Variants in COX7B2 observed in about 807,000 individuals in gnomAD.
COX7B2 encodes the protein cytochrome c oxidase subunit 7B2, mitochondrial.
For missense variants in COX7B2, 109 were observed against 95.9 expected, an observed-to-expected ratio of 1.14 and a Z score of -0.57; for synonymous variants, 37 against 32.1, an observed-to-expected ratio of 1.15 and a Z score of -0.51.
intron 1 of COX7B2, among the ~76,000 whole-genome samples, chr4:46,886,306 TA>T (rs1241161104): frequency 6.6e-6 from 1 of 152,218 alleles, no homozygotes; most frequent in Non-Finnish European, 1.5e-5. Context: ...GTACATGTGA[TA>T]TTTTCATACA....
intron 1 of COX7B2, among the ~76,000 whole-genome samples, chr4:46,892,188 G>C (rs539473525): frequency 1.3e-5 from 2 of 152,056 alleles, no homozygotes. Flanking sequence ...ATTAACTACC[G>C]GGGCCACTGG....
intron 2 of COX7B2, among the ~76,000 whole-genome samples, chr4:46,819,734 A>G (rs1239991279): frequency 2.6e-5 from 4 of 152,194 alleles, no homozygotes; most frequent in Non-Finnish European, 5.9e-5. Flanking sequence ...ACTTATTACA[A>G]TGTATCAGCT....
At chr4:46,846,325 A>T (rs1394709121) in intron 1 of COX7B2, among the ~76,000 whole-genome samples, 3 of 152,052 alleles carry the variant, frequency 2.0e-5, no homozygotes, top group Non-Finnish European at 4.4e-5. Context: ...GGAAACAGGG[A>T]CCATAAACAA....
intron 2 of COX7B2, among the ~76,000 whole-genome samples, chr4:46,807,910 G>C (rs576082163): frequency 7.9e-5 from 12 of 151,928 alleles, no homozygotes; most frequent in East Asian, 3.9e-4. Flanking sequence ...GTACCATGCT[G>C]TTTTGATTGT....
rs186256408 is a variant in COX7B2 at position 46,799,120 on chromosome 4, G to C, written c.-50+45840C>G. 8.3e-4 allele frequency among the ~76,000 whole-genome samples: 126 copies of C among 152,146 alleles called. 1 individual carries two copies. The highest frequency in any genetic ancestry group is 3.4e-3 in the Middle Eastern group (1 of 294). The stretch of plus-strand genomic sequence containing the variant: ...GAAGGTTTTCTCTTTCTTGTGTGTG[G>C]CTATTGTGAATGAGATTGCATTCTT... On this transcript the variant is annotated intron_variant, in intron 2 of 2. Transcript: ENST00000355591.
chr4:46,880,933 T>G (rs1342208108), intron 1 of COX7B2, among the ~76,000 whole-genome samples: 2 of 144,414 alleles, frequency 1.4e-5, no homozygotes, highest in Non-Finnish European at 3.0e-5. Context: ...GCATGGCACA[T>G]GTATACATAT....
intron 1 of COX7B2, among the ~76,000 whole-genome samples, chr4:46,872,631 A>G (rs1718063443): frequency 6.6e-6 from 1 of 152,162 alleles, no homozygotes; most frequent in Non-Finnish European, 1.5e-5. Flanking sequence ...CTCACAAATT[A>G]TGTCAATAGA....
intron 2 of COX7B2, among the ~76,000 whole-genome samples, chr4:46,843,346 T>C (rs918478718): frequency 3.3e-5 from 5 of 152,182 alleles, no homozygotes; most frequent in Middle Eastern, 6.8e-3. Context: ...CACATATTAA[T>C]GTAAAGAATG....
At chr4:46,788,866 A>G (rs73139385) in intron 2 of COX7B2, among the ~76,000 whole-genome samples, 5,100 of 152,242 alleles carry the variant, frequency 0.033, 217 homozygotes, top group African/African-American at 0.1. Flanking sequence ...CAGTGAATGA[A>G]ATGATTCATA....
At chr4:46,789,427 A>G (rs1717921090) in intron 2 of COX7B2, among the ~76,000 whole-genome samples, 1 of 152,200 alleles carries the variant, frequency 6.6e-6, no homozygotes, top group African/African-American at 2.4e-5. Context: ...AATCTTGTCT[A>G]GGAATATTAA....
At chr4:46,849,036 G>A (rs1716485128) in intron 1 of COX7B2, among the ~76,000 whole-genome samples, 1 of 152,014 alleles carries the variant, frequency 6.6e-6, no homozygotes, top group Admixed American at 6.6e-5. Flanking sequence ...AAGAAAAAAA[G>A]TCTGTACATG....
intron 2 of COX7B2, among the ~76,000 whole-genome samples, chr4:46,807,867 G>C (rs1486467199): frequency 1.3e-5 from 2 of 151,736 alleles, no homozygotes; most frequent in African/African-American, 4.8e-5. Context: ...TCTCTATTCT[G>C]TTCCACTGGT....
intron 1 of COX7B2, among the ~76,000 whole-genome samples, chr4:46,887,760 A>G (rs1719168535): frequency 6.6e-6 from 1 of 151,706 alleles, no homozygotes; most frequent in South Asian, 2.1e-4. Flanking sequence ...AGACAAGACA[A>G]TCAAGTCATA....
At chr4:46,837,870 C>A (rs1411685468) in intron 2 of COX7B2, among the ~76,000 whole-genome samples, 1 of 151,656 alleles carries the variant, frequency 6.6e-6, no homozygotes. Context: ...TAATAATTAA[C>A]CATAGAACAA....
chr4:46,775,530 CT>C (rs1717109985), intron 2 of COX7B2, among the ~76,000 whole-genome samples: 1 of 152,104 alleles, frequency 6.6e-6, no homozygotes. Flanking sequence ...TGTTTAAATG[CT>C]TTTGTCTAAT....
At chr4:46,764,322 A>AT (rs1276236296) in intron 2 of COX7B2, among the ~76,000 whole-genome samples, 1 of 151,962 alleles carries the variant, frequency 6.6e-6, no homozygotes, top group Non-Finnish European at 1.5e-5. Context: ...AGGCGGGTGG[A>AT]TCACCTGAGG....
In COX7B2 at chr4:46,854,062, A is replaced by G. The variant is rs553043806; in HGVS notation, c.-104-9048T>C. 6.6e-5 allele frequency among the ~76,000 whole-genome samples: 10 copies of G among 152,314 alleles called. No homozygotes were observed. The South Asian group carries it at 2.1e-3, about 32-fold the overall frequency. ...CAGAAAGATATGTTGAGTAGAATATAGAGTGATTATTTTAAAATTAGACTA... is the reference window on the plus strand; with the variant it reads ...CAGAAAGATATGTTGAGTAGAATATGGAGTGATTATTTTAAAATTAGACTA... On this transcript the variant is annotated intron_variant, in intron 1 of 2. Coordinates refer to ENST00000355591, the MANE Select transcript of COX7B2 (RefSeq NM_130902.3).
chr4:46,836,788 C>T (rs1715543738), intron 2 of COX7B2, among the ~76,000 whole-genome samples: 2 of 152,012 alleles, frequency 1.3e-5, no homozygotes, highest in African/African-American at 2.4e-5. Flanking sequence ...TAATGCATTG[C>T]ACTATGACAT....
chr4:46,836,368 T>A (rs115296849), intron 2 of COX7B2, among the ~76,000 whole-genome samples: 5 of 151,930 alleles, frequency 3.3e-5, no homozygotes, highest in South Asian at 4.1e-4. Context: ...TTTTTTATAT[T>A]TTTTTAAAGT....
Sources: allele counts gnomAD v4.1 joint callset (sites outside exome capture counted in the v4.1 genomes callset), GRCh38; gene constraint gnomAD v4.1.1; transcripts MANE v1.5; gene names NCBI Gene and HGNC (gene_info 2026-07-23, HGNC 2026-07-21).